Variants in IGFBP7 observed in about 807,000 individuals in gnomAD.
The protein encoded by IGFBP7 is insulin like growth factor binding protein 7.
A neutral mutation model predicts 29.4 loss-of-function variants in IGFBP7; 31 were observed. The observed-to-expected ratio is 1.05, with a 90% CI of 0.79 to 1.42. The LOEUF (loss-of-function observed/expected upper bound fraction) is 1.42. Ranked by LOEUF, IGFBP7 falls within the 40% of genes most tolerant of loss-of-function variation. The probability of loss-of-function intolerance (pLI) is 0.00; values close to 1 mark genes in which losing one functional copy is unlikely to be tolerated. For missense variants in IGFBP7, 393 were observed against 395.5 expected (o/e 0.99, Z 0.05); for synonymous variants, 172 against 174.9 (o/e 0.98, Z 0.13).
chr4:57,042,733 G>A (rs1011676396), intron 1 of IGFBP7, among the ~76,000 whole-genome samples: 2 of 152,232 alleles, frequency 1.3e-5, no homozygotes, highest in Non-Finnish European at 2.9e-5. Context: ...ATAAAATAAA[G>A]TTCTGTTGGA....
At chr4:57,035,918 T>C (rs1388811388) in intron 2 of IGFBP7, among the ~76,000 whole-genome samples, 2 of 152,220 alleles carry the variant, frequency 1.3e-5, no homozygotes, top group East Asian at 3.8e-4. Context: ...CAATGTCTGT[T>C]AACACTGAAA....
intron 1 of IGFBP7, among the ~76,000 whole-genome samples, chr4:57,094,824 A>G (rs1169320506): frequency 6.6e-6 from 1 of 152,240 alleles, no homozygotes; most frequent in Non-Finnish European, 1.5e-5. Context: ...CCATATTTGC[A>G]AATTCACCTA....
intron 1 of IGFBP7, among the ~76,000 whole-genome samples, chr4:57,056,550 T>G (rs1239013449): frequency 6.6e-6 from 1 of 152,202 alleles, no homozygotes; most frequent in Non-Finnish European, 1.5e-5. Context: ...CAAATAGCAC[T>G]GCTCTGAAAT....
At chr4:57,101,198 C>T (rs1442559131) in intron 1 of IGFBP7, among the ~76,000 whole-genome samples, 1 of 152,176 alleles carries the variant, frequency 6.6e-6, no homozygotes, top group East Asian at 1.9e-4. Flanking sequence ...TATACATTCT[C>T]CTGAAGTTTT....
chr4:57,084,225 T>G (rs1380072686), intron 1 of IGFBP7, among the ~76,000 whole-genome samples: 6 of 152,206 alleles, frequency 3.9e-5, no homozygotes, highest in Admixed American at 3.3e-4. Flanking sequence ...TCAGGGAGTA[T>G]CACAAAATTT....
Position 57,110,331 on chromosome 4 carries a change from G to C in IGFBP7, c.21C>G (p.Arg7=). MERPSL[R]ALLLGAAGLL... ...GCCCAGCGGCGCCGAGGAGCAGGGC[G>C]CGCAGCGACGGCCGCTCCATGGCGG... is the stretch of plus-strand genomic sequence containing the variant. The change falls in exon 1 of 5, where the codon CGC becomes CGG. Residue 7 remains arginine, a synonymous_variant. Transcript: ENST00000295666. 4.3e-6 allele frequency: 6 copies of C among 1,391,288 alleles called. No individual in the cohort carries two copies. In the South Asian group the frequency reaches 6.2e-5, roughly 14 times the overall value. The allele number at this position is 1,391,288 out of a possible 1,614,324, so 86.2% of individuals were successfully genotyped here.
At chr4:57,104,114 T>G (rs947121714) in intron 1 of IGFBP7, among the ~76,000 whole-genome samples, 1 of 152,210 alleles carries the variant, frequency 6.6e-6, no homozygotes, top group South Asian at 2.1e-4. Context: ...TTTGTCATTC[T>G]GTGCTTGGCT....
At chr4:57,104,810 A>C (rs1324841703) in intron 1 of IGFBP7, among the ~76,000 whole-genome samples, 1 of 152,180 alleles carries the variant, frequency 6.6e-6, no homozygotes, top group African/African-American at 2.4e-5. Context: ...GACAGAAAGG[A>C]AGGCAAATCA....
In IGFBP7 at chr4:57,053,019, C is replaced by CTTTTTT. The variant is rs60116761; in HGVS notation, c.476-12092_476-12087dup. ...TATTTGATGATGCTTTCTTTTCTAT[C>CTTTTTT]TTTTTTTTTTTTTTTGAAATGAAGT... On this transcript the variant is annotated intron_variant, in intron 1 of 4. Transcript: ENST00000295666. 1.9e-4 allele frequency among the ~76,000 whole-genome samples: 27 copies of CTTTTTT among 141,104 alleles called. 1 individual carries two copies. The highest frequency in any genetic ancestry group is 5.5e-4 in the African/African-American group (21 of 37,884). The allele number at this position is 141,104 out of a possible 152,430, so 92.6% of individuals were successfully genotyped here.
intron 1 of IGFBP7, among the ~76,000 whole-genome samples, chr4:57,104,562 A>G (rs1397561374): frequency 3.3e-5 from 5 of 152,240 alleles, no homozygotes; most frequent in Non-Finnish European, 7.3e-5. Flanking sequence ...TTTAAATGAT[A>G]TATTATCAAC....
chr4:57,052,326 A>G (rs1718879), intron 1 of IGFBP7, among the ~76,000 whole-genome samples: 137,522 of 152,178 alleles, frequency 0.9, 62,260 homozygotes, highest in South Asian at 0.95. Context: ...CAGGGGTGTC[A>G]GTCTGAGGAA....
chr4:57,066,668 A>T (rs1724928552), intron 1 of IGFBP7, among the ~76,000 whole-genome samples: 1 of 151,452 alleles, frequency 6.6e-6, no homozygotes, highest in African/African-American at 2.4e-5. Context: ...GGTTCAAGTG[A>T]TTCTCCTGCC....
At chr4:57,085,412 T>A (rs1262533932) in intron 1 of IGFBP7, among the ~76,000 whole-genome samples, 1 of 152,216 alleles carries the variant, frequency 6.6e-6, no homozygotes, top group East Asian at 1.9e-4. Context: ...CCTAGTCTTT[T>A]AAGGGATTCT....
chr4:57,050,971 TA>T (rs1724491124), intron 1 of IGFBP7, among the ~76,000 whole-genome samples: 1 of 152,052 alleles, frequency 6.6e-6, no homozygotes, highest in Admixed American at 6.5e-5. Context: ...GTCCTGAAAA[TA>T]GTGTGTGCAT....
rs554115114 is a variant in IGFBP7 at position 57,062,079 on chromosome 4, C to T, written c.476-21146G>A. On this transcript the variant is annotated intron_variant, in intron 1 of 4. Coordinates refer to ENST00000295666, the MANE Select transcript of IGFBP7 (RefSeq NM_001553.3). ...GTTCAGTGGGACTAAGTGTCTTGTG[C>T]GAGGTCACACAGACTGGAAATGGGG... Among the ~76,000 whole-genome samples the T allele has an allele frequency of 2.6e-5, 4 of 152,184 alleles. No individual in the cohort carries two copies. In the South Asian group the frequency reaches 6.2e-4, roughly 24 times the overall value.
chr4:57,066,009 A>G (rs1724913899), intron 1 of IGFBP7, among the ~76,000 whole-genome samples: 1 of 152,124 alleles, frequency 6.6e-6, no homozygotes, highest in Non-Finnish European at 1.5e-5. Context: ...CTCAGACTCC[A>G]TACACTCTTT....
intron 2 of IGFBP7, among the ~76,000 whole-genome samples, chr4:57,037,704 G>A (rs1403405329): frequency 6.6e-6 from 1 of 152,202 alleles, no homozygotes; most frequent in Non-Finnish European, 1.5e-5. Context: ...AGCAAGGACT[G>A]AAGAAATTAT....
At chr4:57,103,717 G>A (rs1725957503) in intron 1 of IGFBP7, among the ~76,000 whole-genome samples, 1 of 129,778 alleles carries the variant, frequency 7.7e-6, no homozygotes, top group Non-Finnish European at 1.5e-5. Flanking sequence ...GGAGTGCAGT[G>A]GTATGATCAT....
At chr4:57,079,737 A>G (rs1455596711) in intron 1 of IGFBP7, among the ~76,000 whole-genome samples, 1 of 152,224 alleles carries the variant, frequency 6.6e-6, no homozygotes, top group Admixed American at 6.5e-5. Context: ...TCTGTCCAAC[A>G]TCTAACAGCG....
Sources: gnomAD v4.1 joint callset for allele counts (sites outside exome capture counted in the v4.1 genomes callset) on GRCh38, gnomAD v4.1.1 for gene constraint, MANE v1.5 for transcripts, NCBI Gene and HGNC (gene_info 2026-07-23, HGNC 2026-07-21) for gene names.